Variants in MAF observed in about 807,000 individuals in gnomAD.
The protein encoded by MAF is MAF bZIP transcription factor, also known as transcription factor Maf.
In MAF, 10 loss-of-function variants were observed where a neutral mutation model predicts 22.0. The observed-to-expected ratio is 0.45, with a 90% CI of 0.28 to 0.77. The LOEUF (loss-of-function observed/expected upper bound fraction) is 0.77. Among genes scored for constraint, MAF ranks in the 30% least tolerant of loss-of-function variants. MAF has a pLI of 0.12. For synonymous variants in MAF, 337 were observed against 255.8 expected (o/e 1.32, Z -3.03); for missense variants, 544 against 548.4 (o/e 0.99, Z 0.08).
chr16:79,431,675 C>T, the MAF span, among the ~76,000 whole-genome samples: 68 of 152,104 alleles, frequency 4.5e-4, no homozygotes, highest in Non-Finnish European at 6.9e-4. Flanking sequence ...CTGTGTTTTC[C>T]GACTCAAAGG....
chr16:79,585,235 A>G (rs918109678), downstream of MAF, among the ~76,000 whole-genome samples: 6 of 152,282 alleles, frequency 3.9e-5, no homozygotes, highest in East Asian at 1.2e-3. Flanking sequence ...AAATAGCTCA[A>G]TTCCATTATT....
the MAF span, among the ~76,000 whole-genome samples, chr16:79,298,995 G>A: frequency 6.6e-6 from 1 of 152,376 alleles, no homozygotes; most frequent in African/African-American, 2.4e-5. Flanking sequence ...TGGTGGAGTG[G>A]CCCCTTCTAA....
At chr16:79,339,171 G>A in the MAF span, among the ~76,000 whole-genome samples, 2 of 152,178 alleles carry the variant, frequency 1.3e-5, no homozygotes, top group South Asian at 2.1e-4. Flanking sequence ...CCGGGTTCAC[G>A]CCATTCTCCT....
the MAF span, among the ~76,000 whole-genome samples, chr16:79,462,376 G>T: frequency 6.4e-4 from 97 of 152,168 alleles, no homozygotes; most frequent in Non-Finnish European, 1.2e-3. Context: ...TGAACACTAG[G>T]TCCAATCTGC....
At chr16:79,232,544 T>A in the MAF span, among the ~76,000 whole-genome samples, 3 of 152,140 alleles carry the variant, frequency 2.0e-5, no homozygotes, top group East Asian at 5.8e-4. Flanking sequence ...AGAAGGCTCT[T>A]ACCAACATAC....
At chr16:79,327,840 T>C in the MAF span, among the ~76,000 whole-genome samples, 1 of 152,190 alleles carries the variant, frequency 6.6e-6, no homozygotes, top group Non-Finnish European at 1.5e-5. Context: ...CAAACAGGCA[T>C]TTGCAATAAC....
chr16:79,253,849 A>C, the MAF span, among the ~76,000 whole-genome samples: 70 of 152,098 alleles, frequency 4.6e-4, no homozygotes, highest in Admixed American at 7.9e-4. Context: ...TATTGCAATC[A>C]CCTAAAGAAT....
chr16:79,319,670 G>C, the MAF span, among the ~76,000 whole-genome samples: 1 of 151,768 alleles, frequency 6.6e-6, no homozygotes, highest in Non-Finnish European at 1.5e-5. Flanking sequence ...ATTGATTTAT[G>C]TATTTGCATA....
the MAF span, among the ~76,000 whole-genome samples, chr16:79,349,301 G>A: frequency 6.6e-6 from 1 of 152,158 alleles, no homozygotes; most frequent in East Asian, 1.9e-4. Context: ...GGGACTTGAG[G>A]TTGTCCTCCT....
chr16:79,469,366 C>A, the MAF span, among the ~76,000 whole-genome samples: 29 of 152,262 alleles, frequency 1.9e-4, no homozygotes, highest in African/African-American at 5.8e-4. Context: ...AACATAAGCT[C>A]GGGATTCAGA....
chr16:79,474,716 T>A, the MAF span, among the ~76,000 whole-genome samples: 1 of 152,270 alleles, frequency 6.6e-6, no homozygotes, highest in East Asian at 1.9e-4. Flanking sequence ...TTTTTGCTGG[T>A]GAAGGAGGAA....
the MAF span, among the ~76,000 whole-genome samples, chr16:79,431,115 G>T: frequency 3.2e-3 from 483 of 152,150 alleles, 5 homozygotes; most frequent in African/African-American, 0.011. Context: ...TCCACACCAG[G>T]GTACACAGCT....
the MAF span, among the ~76,000 whole-genome samples, chr16:79,400,575 A>G: frequency 1.3e-5 from 2 of 152,224 alleles, no homozygotes; most frequent in Non-Finnish European, 2.9e-5. Context: ...CCACTCTAAA[A>G]TGGGTAGAAG....
At chr16:79,334,867 G>GTC in the MAF span, among the ~76,000 whole-genome samples, 1 of 150,478 alleles carries the variant, frequency 6.6e-6, no homozygotes, top group Non-Finnish European at 1.5e-5. Flanking sequence ...GTGTGTATGT[G>GTC]TGTGTGTGTG....
At position 79,597,800 on chromosome 16, in the gene MAF, CTTT is replaced by C. The variant is rs34352423; in HGVS notation, c.1118+982_1118+984del. The C allele has an allele frequency of 6.7e-6, 6 of 891,218 alleles. No homozygotes were observed. The Middle Eastern group carries it at 1.6e-3, about 240-fold the overall frequency. The allele number at this position is 891,218 out of a possible 1,614,324, so 55.2% of individuals were successfully genotyped here. On this transcript the variant is annotated intron_variant, in intron 1 of 1. Transcript: ENST00000326043. ...ATACCATACATGTCCAGCATGCAGG[CTTT>C]TTTTTTTTATTAATATAATGTCTCT... is the stretch of plus-strand genomic sequence containing the variant.
At chr16:79,572,124 A>C in the MAF span, among the ~76,000 whole-genome samples, 1 of 152,152 alleles carries the variant, frequency 6.6e-6, no homozygotes. Context: ...TCTTTTTTAC[A>C]TTTGTAGCAT....
the MAF span, among the ~76,000 whole-genome samples, chr16:79,275,827 T>A: frequency 6.6e-6 from 1 of 152,148 alleles, no homozygotes; most frequent in African/African-American, 2.4e-5. Flanking sequence ...TTGGAAACCA[T>A]GTATTGATTG....
At chr16:79,463,161 C>T in the MAF span, among the ~76,000 whole-genome samples, 6 of 152,146 alleles carry the variant, frequency 3.9e-5, no homozygotes, top group Non-Finnish European at 7.3e-5. Context: ...GTTTATGGAA[C>T]AGAGATCAGG....
the MAF span, among the ~76,000 whole-genome samples, chr16:79,279,085 G>C: frequency 6.6e-6 from 1 of 152,154 alleles, no homozygotes; most frequent in Non-Finnish European, 1.5e-5. Context: ...ACCTCCAGCT[G>C]CTCCGGAGGT....
Sources: allele counts gnomAD v4.1 joint callset (sites outside exome capture counted in the v4.1 genomes callset), GRCh38; gene constraint gnomAD v4.1.1; transcripts MANE v1.5; gene names NCBI Gene and HGNC (gene_info 2026-07-23, HGNC 2026-07-21).